PSMG4: variants seen among roughly 807,000 people sequenced by gnomAD.
The protein encoded by PSMG4 is proteasome (prosome, macropain) assembly chaperone 4.
A neutral mutation model predicts 11.0 loss-of-function variants in PSMG4; 10 were observed. The ratio of observed to expected loss-of-function variants is 0.91; its 90% CI spans 0.56 to 1.54. PSMG4 has a LOEUF of 1.54. Among genes scored for constraint, PSMG4 ranks in the 40% most tolerant of loss-of-function variants. The pLI is 0.00. For missense variants in PSMG4, 198 were observed against 160.9 expected (o/e 1.23, Z -1.25); for synonymous variants, 95 against 71.3 (o/e 1.33, Z -1.68).
At chr6:3,257,788 G>C (rs5003229), upstream of PSMG4, among the ~76,000 whole-genome samples, 103,539 of 152,082 alleles carry the variant, frequency 0.68, 38,580 homozygotes, top group Non-Finnish European at 0.83. Context: ...TTTGTGGATT[G>C]TGATGATGAT....
At chr6:3,255,205 G>T (rs116616485), upstream of PSMG4, 2 of 1,550,202 alleles carry the variant, frequency 1.3e-6, no homozygotes, top group African/African-American at 2.7e-5. Flanking sequence ...GATGTTTGGT[G>T]GCAGCAGGAG....
At position 3,261,594 on chromosome 6, in the gene PSMG4, T is replaced by C. The variant is rs76541141; in HGVS notation, c.175-2090T>C. 9.8e-5 allele frequency among the ~76,000 whole-genome samples: 15 copies of C among 152,288 alleles called. No individual in the cohort carries two copies. In the East Asian group the frequency reaches 2.9e-3, roughly 29 times the overall value. ...CCAGGCAGGAAAAGGAACAGGGGATTGATTGAGTTACCTGACTTGTCAGAA... is the reference window on the plus strand; with the variant it reads ...CCAGGCAGGAAAAGGAACAGGGGATCGATTGAGTTACCTGACTTGTCAGAA... On this transcript the variant is annotated intron_variant, in intron 1 of 2. Transcript: ENST00000438998.
chr6:3,255,426 C>T (rs1431931549), upstream of PSMG4, among the ~76,000 whole-genome samples: 3 of 147,554 alleles, frequency 2.0e-5, no homozygotes, highest in Non-Finnish European at 4.5e-5. Flanking sequence ...GTGGACACTC[C>T]AGCCACATGC....
chr6:3,260,617 A>T (rs1168418761), intron 1 of PSMG4, among the ~76,000 whole-genome samples: 1 of 152,192 alleles, frequency 6.6e-6, no homozygotes, highest in African/African-American at 2.4e-5. Flanking sequence ...CCGGGATTAT[A>T]GGCGTTAGCC....
intron 1 of PSMG4, among the ~76,000 whole-genome samples, chr6:3,260,009 A>G (rs1260245231): frequency 2.0e-5 from 3 of 152,042 alleles, no homozygotes. Context: ...TCATTATTAT[A>G]GCTCACTGTC....
At chr6:3,255,203 G>A, upstream of PSMG4, 1 of 1,550,388 alleles carries the variant, frequency 6.4e-7, no homozygotes, top group Non-Finnish European at 8.7e-7. Flanking sequence ...AGGATGTTTG[G>A]TGGCAGCAGG....
rs1757856486 is a variant in PSMG4 at position 3,258,970 on chromosome 6, G to A, written c.-53G>A. The A allele has an allele frequency of 1.6e-6, 2 of 1,233,102 alleles. No homozygotes were observed. The highest frequency in any genetic ancestry group is 2.0e-6 in the Non-Finnish European group (2 of 986,486). 76.4% of individuals were successfully genotyped at this position (1,233,102 alleles called of 1,614,324 possible). A position where few individuals can be genotyped will look rare whatever the true frequency, so the allele number is the denominator to read the frequency against. ...TCGCTCCATCGGGTCTGGCGGGGCT[G>A]GCAGCGGCGAGGACCCGGGTCTGGC... On this transcript the variant is annotated 5_prime_UTR_variant, in exon 1 of 3. Coordinates refer to ENST00000438998, the MANE Select transcript of PSMG4 (RefSeq NM_001128591.2).
upstream of PSMG4, among the ~76,000 whole-genome samples, chr6:3,257,740 C>T (rs1349108046): frequency 2.0e-5 from 3 of 151,526 alleles, no homozygotes; most frequent in Non-Finnish European, 4.4e-5. Context: ...GGGCAGGAGT[C>T]ATTACTGAGG....
upstream of PSMG4, chr6:3,255,117 A>C (rs759491434): frequency 3.9e-6 from 6 of 1,550,984 alleles, no homozygotes; most frequent in African/African-American, 1.4e-5. Flanking sequence ...CAACATCACC[A>C]GCTTACCACG....
chr6:3,256,236 A>G (rs1199165529), upstream of PSMG4, among the ~76,000 whole-genome samples: 3 of 152,192 alleles, frequency 2.0e-5, no homozygotes, highest in Admixed American at 6.5e-5. Context: ...CTCCTACCCT[A>G]TAGGGCACAG....
In PSMG4 at chr6:3,258,991, C is replaced by T. The variant is rs1757857978; in HGVS notation, c.-32C>T. On this transcript the variant is annotated 5_prime_UTR_variant, in exon 1 of 3. Coordinates refer to ENST00000438998, the MANE Select transcript of PSMG4 (RefSeq NM_001128591.2). ...GGCTGGCAGCGGCGAGGACCCGGGT[C>T]TGGCGCTGTGGGCCGGGAGCCGTGG... 2 of 1,239,738 alleles carry T rather than the reference C, an allele frequency of 1.6e-6. No homozygotes were observed. The allele number at this position is 1,239,738 out of a possible 1,614,324, so 76.8% of individuals were successfully genotyped here. A position where few individuals can be genotyped will look rare whatever the true frequency, so the allele number is the denominator to read the frequency against.
intron 2 of PSMG4, chr6:3,264,176 A>C: frequency 6.4e-7 from 1 of 1,550,758 alleles, no homozygotes; most frequent in South Asian, 1.2e-5. Context: ...CTGTGCAGGA[A>C]GGACTGTCCT....
chr6:3,262,617 C>T lies in PSMG4; in HGVS notation c.175-1067C>T, dbSNP rs569225196. On this transcript the variant is annotated intron_variant, in intron 1 of 2. Coordinates refer to ENST00000438998, the MANE Select transcript of PSMG4 (RefSeq NM_001128591.2). ...GTCTGGCACACAGTAGCTGTTTGTTCAGTTAACTTGTCCCCACCAGGACAG... is the reference window on the plus strand; with the variant it reads ...GTCTGGCACACAGTAGCTGTTTGTTTAGTTAACTTGTCCCCACCAGGACAG... Among the ~76,000 whole-genome samples, 9 of 150,080 alleles carry T rather than the reference C, an allele frequency of 6.0e-5. No homozygotes were observed. In the East Asian group the frequency reaches 1.8e-3, roughly 29 times the overall value.
chr6:3,260,125 A>G (rs1026380917), intron 1 of PSMG4, among the ~76,000 whole-genome samples: 1 of 151,222 alleles, frequency 6.6e-6, no homozygotes, highest in Non-Finnish European at 1.5e-5. Flanking sequence ...TTTTGTAGAG[A>G]TGGGGGTCTC....
At chr6:3,263,152 T>A (rs1273804667) in intron 1 of PSMG4, among the ~76,000 whole-genome samples, 3 of 152,108 alleles carry the variant, frequency 2.0e-5, no homozygotes, top group African/African-American at 7.2e-5. Flanking sequence ...TGCTGGTGGC[T>A]GGTGCCCTTT....
At chr6:3,254,429 T>A (rs904889406), upstream of PSMG4, among the ~76,000 whole-genome samples, 4 of 144,358 alleles carry the variant, frequency 2.8e-5, no homozygotes, top group Admixed American at 7.2e-5. Context: ...GAGGTATGGC[T>A]TTGTGCTGTA....
chr6:3,261,015 T>G (rs951188912), intron 1 of PSMG4, among the ~76,000 whole-genome samples: 11 of 152,174 alleles, frequency 7.2e-5, no homozygotes, highest in African/African-American at 2.6e-4. Flanking sequence ...TGAGCGTCTG[T>G]TTCTCTAGCT....
chr6:3,259,512 C>T (rs1234625223), intron 1 of PSMG4, among the ~76,000 whole-genome samples: 1 of 152,258 alleles, frequency 6.6e-6, no homozygotes, highest in African/African-American at 2.4e-5. Context: ...TCGTAGCTCT[C>T]CTGCCATCTG....
chr6:3,259,308 C>G (rs1412821207), intron 1 of PSMG4, 112 bp downstream of exon 1: 25 of 979,290 alleles, frequency 2.6e-5, no homozygotes, highest in Non-Finnish European at 3.2e-5. Flanking sequence ...GCGCCCTACT[C>G]CCCCGAAGCC....
Sources: allele counts gnomAD v4.1 joint callset (sites outside exome capture counted in the v4.1 genomes callset), GRCh38; gene constraint gnomAD v4.1.1; transcripts MANE v1.5; gene names NCBI Gene and HGNC (gene_info 2026-07-23, HGNC 2026-07-21).